Variants in MSRA observed in about 807,000 individuals in gnomAD.
The protein encoded by MSRA is methionine sulfoxide reductase A.
Under a neutral mutation model 31.3 loss-of-function variants are expected in MSRA, and 54 were observed. The ratio of observed to expected loss-of-function variants is 1.73; its 90% CI spans 1.39 to 2.17. The LOEUF (loss-of-function observed/expected upper bound fraction) is 2.17. Among genes scored for constraint, MSRA ranks in the 30% most tolerant of loss-of-function variants. The pLI is 0.00. For synonymous variants in MSRA, 169 were observed against 116.5 expected, an observed-to-expected ratio of 1.45 and a Z score of -2.90; for missense variants, 507 against 300.9, an observed-to-expected ratio of 1.69 and a Z score of -5.07.
At chr8:10,421,691 C>T (rs1446862631) in intron 5 of MSRA, among the ~76,000 whole-genome samples, 4 of 152,176 alleles carry the variant, frequency 2.6e-5, no homozygotes, top group African/African-American at 7.2e-5. Context: ...CCGGCTGGCA[C>T]GCCTTCCATA....
At chr8:10,260,890 G>C (rs199872335) in intron 3 of MSRA, among the ~76,000 whole-genome samples, 1 of 152,094 alleles carries the variant, frequency 6.6e-6, no homozygotes, top group East Asian at 1.9e-4. Flanking sequence ...AATAACATTT[G>C]GATATTTGAT....
At chr8:10,295,318 C>T (rs1376014002) in intron 3 of MSRA, among the ~76,000 whole-genome samples, 1 of 152,132 alleles carries the variant, frequency 6.6e-6, no homozygotes, top group African/African-American at 2.4e-5. Flanking sequence ...GACCGTCGCA[C>T]TGCGCTGCCT....
chr8:10,401,209 C>G (rs955765037), intron 5 of MSRA, among the ~76,000 whole-genome samples: 1 of 151,854 alleles, frequency 6.6e-6, no homozygotes, highest in Non-Finnish European at 1.5e-5. Flanking sequence ...ACTCAACAAC[C>G]ACAAAGAAAG....
At chr8:10,060,397 A>G (rs1387935578) in intron 1 of MSRA, among the ~76,000 whole-genome samples, 1 of 152,230 alleles carries the variant, frequency 6.6e-6, no homozygotes, top group East Asian at 1.9e-4. Flanking sequence ...TTCTGTGAAC[A>G]GAAGGGAAAA....
chr8:10,218,028 C>T (rs1476874508), intron 2 of MSRA, among the ~76,000 whole-genome samples: 1 of 151,910 alleles, frequency 6.6e-6, no homozygotes, highest in African/African-American at 2.4e-5. Context: ...CTTGTATTTT[C>T]TACAAACCGA....
chr8:10,080,187 A>T (rs1314506515), intron 1 of MSRA, among the ~76,000 whole-genome samples: 1 of 152,136 alleles, frequency 6.6e-6, no homozygotes, highest in African/African-American at 2.4e-5. Context: ...CAGTTACGAC[A>T]TTCTCTTTCT....
rs141462923 is a variant in MSRA at position 10,220,742 on chromosome 8, C to G, written c.211+12841C>G. On this transcript the variant is annotated intron_variant, in intron 2 of 5. Coordinates refer to ENST00000317173, the MANE Select transcript of MSRA (RefSeq NM_012331.5). ...TATGGATTCAGTGCTTGGTGACATT[C>G]TTATTACCCTTTCTTTCACCAGCAT... is the stretch of plus-strand genomic sequence containing the variant. Among the ~76,000 whole-genome samples the G allele has an allele frequency of 2.1e-4, 32 of 152,300 alleles. No homozygotes were observed. The East Asian group carries it at 5.4e-3, about 26-fold the overall frequency.
At chr8:10,328,054 G>GTTTTT (rs1563356091) in intron 5 of MSRA, among the ~76,000 whole-genome samples, 6,265 of 58,122 alleles carry the variant, frequency 0.11, 295 homozygotes, top group South Asian at 0.14. Flanking sequence ...TTTTTTTTTA[G>GTTTTT]TATCAGTGAC....
At chr8:10,259,043 G>A (rs901275025) in intron 3 of MSRA, among the ~76,000 whole-genome samples, 1 of 151,700 alleles carries the variant, frequency 6.6e-6, no homozygotes, top group Non-Finnish European at 1.5e-5. Flanking sequence ...GAAGGTGGAG[G>A]TTGCCGTGAG....
intron 5 of MSRA, among the ~76,000 whole-genome samples, chr8:10,385,857 G>A (rs558980206): frequency 5.9e-5 from 9 of 152,162 alleles, no homozygotes; most frequent in Non-Finnish European, 8.8e-5. Context: ...AATAGCGCCA[G>A]TGTGGAGAGA....
intron 2 of MSRA, among the ~76,000 whole-genome samples, chr8:10,231,451 T>G (rs898944965): frequency 6.6e-6 from 1 of 152,182 alleles, no homozygotes; most frequent in Non-Finnish European, 1.5e-5. Flanking sequence ...ATTTCACGTG[T>G]CAGGGAGCCC....
intron 1 of MSRA, among the ~76,000 whole-genome samples, chr8:10,088,094 C>T (rs1798663328): frequency 6.6e-6 from 1 of 152,140 alleles, no homozygotes; most frequent in South Asian, 2.1e-4. Context: ...TGAAAAACCC[C>T]AGGTATAGAG....
intron 5 of MSRA, among the ~76,000 whole-genome samples, chr8:10,370,860 C>G (rs1805435276): frequency 6.6e-6 from 1 of 152,220 alleles, no homozygotes; most frequent in Non-Finnish European, 1.5e-5. Flanking sequence ...GGATATTCAT[C>G]TGAGCAGATA....
chr8:10,054,783 G>A (rs947567555), intron 1 of MSRA, 125 bp downstream of exon 1: 19 of 1,125,668 alleles, frequency 1.7e-5, no homozygotes, highest in African/African-American at 1.5e-4. Flanking sequence ...GCGGGGTGGG[G>A]GTCTGCGCAG....
intron 4 of MSRA, among the ~76,000 whole-genome samples, chr8:10,311,073 C>G (rs11782293): frequency 1.3e-5 from 2 of 152,028 alleles, no homozygotes; most frequent in African/African-American, 2.4e-5. Flanking sequence ...AGAAGAATTA[C>G]TAGACTTCAC....
Position 10,110,689 on chromosome 8 carries a change from C to G in MSRA, c.142+56031C>G, listed in dbSNP as rs552374074. 1.7e-4 allele frequency among the ~76,000 whole-genome samples: 26 copies of G among 152,266 alleles called. No individual in the cohort carries two copies. The South Asian group carries it at 3.9e-3, about 23-fold the overall frequency. ...ATGTCTTGATTTTCACAGTAGTGAT[C>G]GCGCTTTCTCCCAGGCTGGCTGACC... On this transcript the variant is annotated intron_variant, in intron 1 of 5. Transcript: ENST00000317173.
At chr8:10,148,874 AT>A (rs1803399920) in intron 1 of MSRA, among the ~76,000 whole-genome samples, 1 of 151,148 alleles carries the variant, frequency 6.6e-6, no homozygotes, top group Non-Finnish European at 1.5e-5. Flanking sequence ...AATTAAAGAC[AT>A]GCAGAACTGG....
intron 1 of MSRA, among the ~76,000 whole-genome samples, chr8:10,137,653 C>A (rs1802383100): frequency 6.6e-6 from 1 of 152,138 alleles, no homozygotes; most frequent in South Asian, 2.1e-4. Flanking sequence ...AAGTGGGAGA[C>A]CCCACTTCCT....
chr8:10,329,843 A>T (rs1802588784), intron 5 of MSRA, among the ~76,000 whole-genome samples: 1 of 151,722 alleles, frequency 6.6e-6, no homozygotes, highest in African/African-American at 2.4e-5. Flanking sequence ...AGTTTTGAAG[A>T]GAGGTGAAAA....
Sources: gnomAD v4.1 joint callset for allele counts (sites outside exome capture counted in the v4.1 genomes callset) on GRCh38, gnomAD v4.1.1 for gene constraint, MANE v1.5 for transcripts, NCBI Gene and HGNC (gene_info 2026-07-23, HGNC 2026-07-21) for gene names.